ZNF512: variants seen among roughly 807,000 people sequenced by gnomAD.
ZNF512 encodes the protein zinc finger protein 512.
ZNF512 carries 25 observed loss-of-function variants against 77.5 expected under a neutral mutation model. The ratio of observed to expected loss-of-function variants is 0.32; its 90% CI spans 0.23 to 0.45. The LOEUF (loss-of-function observed/expected upper bound fraction) is 0.45, where lower values mean the gene tolerates loss of function less well. Among genes scored for constraint, ZNF512 ranks in the 20% least tolerant of loss-of-function variants. The probability of loss-of-function intolerance (pLI) is 1.00; values close to 1 mark genes in which losing one functional copy is unlikely to be tolerated. For synonymous variants in ZNF512, 246 were observed against 239.9 expected (o/e 1.03, Z -0.24); for missense variants, 483 against 692.6 (o/e 0.70, Z 3.40).
At position 27,601,336 on chromosome 2, in the gene ZNF512, A is replaced by G; in HGVS notation, c.583-20A>G. On this transcript the variant is annotated intron_variant, in intron 6 of 13. Coordinates refer to ENST00000355467, the MANE Select transcript of ZNF512 (RefSeq NM_032434.4). ...TTCTCTGTGGAACAACCTAGCACTG[A>G]GCAGTATTTTTCCTTCTAGGAAATG... The G allele has an allele frequency of 6.3e-7, 1 of 1,590,602 alleles. No individual in the cohort carries two copies.
intron 3 of ZNF512, among the ~76,000 whole-genome samples, chr2:27,598,584 G>A (rs977757264): frequency 4.0e-5 from 6 of 149,202 alleles, no homozygotes; most frequent in African/African-American, 7.5e-5. Context: ...AGCAGAGATC[G>A]CACCATTGCA....
intron 10 of ZNF512, 46 bp downstream of exon 10, chr2:27,608,085 T>C: frequency 6.7e-7 from 1 of 1,495,942 alleles, no homozygotes; most frequent in Non-Finnish European, 8.9e-7. Context: ...ATGTCTAACG[T>C]TGTGCCTACT....
intron 9 of ZNF512, among the ~76,000 whole-genome samples, chr2:27,604,477 A>C (rs1039094438): frequency 6.6e-6 from 1 of 152,132 alleles, no homozygotes; most frequent in African/African-American, 2.4e-5. Context: ...TGTAACCACT[A>C]TCACACTCAA....
intron 9 of ZNF512, among the ~76,000 whole-genome samples, chr2:27,604,011 C>T (rs986057305): frequency 6.6e-6 from 1 of 152,126 alleles, no homozygotes. Context: ...ACTGTGACCT[C>T]CGCCTCCTGG....
chr2:27,617,650 G>A (rs1208099111), intron 13 of ZNF512, 79 bp downstream of exon 13: 1 of 724,784 alleles, frequency 1.4e-6, no homozygotes, highest in Non-Finnish European at 2.6e-6. Context: ...TATGGACTAA[G>A]GCTGTCAAGG....
chr2:27,615,751 A>G (rs939768745), intron 11 of ZNF512, among the ~76,000 whole-genome samples: 4 of 152,252 alleles, frequency 2.6e-5, no homozygotes, highest in African/African-American at 9.6e-5. Flanking sequence ...CCAGATTCAC[A>G]GGAAGGGTAA....
chr2:27,595,210 T>G (rs1423293785), intron 2 of ZNF512, among the ~76,000 whole-genome samples: 1 of 152,148 alleles, frequency 6.6e-6, no homozygotes, highest in Non-Finnish European at 1.5e-5. Flanking sequence ...ACAACTACAC[T>G]TAAGTTAAAA....
chr2:27,595,546 C>T (rs928892518), intron 2 of ZNF512, among the ~76,000 whole-genome samples: 3 of 152,068 alleles, frequency 2.0e-5, no homozygotes, highest in Admixed American at 6.6e-5. Context: ...AGGCTGGTCT[C>T]GAACTCCTGA....
chr2:27,592,517 A>G (rs1398346802), intron 2 of ZNF512, among the ~76,000 whole-genome samples: 6 of 145,164 alleles, frequency 4.1e-5, no homozygotes, highest in Non-Finnish European at 9.1e-5. Flanking sequence ...GTTTCACAAT[A>G]TTGGCCAGGC....
intron 9 of ZNF512, among the ~76,000 whole-genome samples, chr2:27,606,182 TA>T (rs1672348473): frequency 6.6e-6 from 1 of 152,066 alleles, no homozygotes; most frequent in African/African-American, 2.4e-5. Flanking sequence ...GTTGTCTTAT[TA>T]AGTTTGGGAT....
intron 11 of ZNF512, 33 bp downstream of exon 11, chr2:27,615,302 GTTTATC>G: frequency 1.4e-6 from 2 of 1,407,244 alleles, no homozygotes; most frequent in Non-Finnish European, 2.0e-6. Context: ...TTCAGTAAAT[GTTTATC>G]AAGCATCTGC....
chr2:27,615,366 G>A (rs1672842980), intron 11 of ZNF512, 97 bp downstream of exon 11: 4 of 732,078 alleles, frequency 5.5e-6, no homozygotes, highest in Admixed American at 2.9e-5. Flanking sequence ...CTGAACCTCA[G>A]TGGCTTAAAA....
chr2:27,596,966 A>G (rs1671898334), intron 2 of ZNF512, among the ~76,000 whole-genome samples: 1 of 152,220 alleles, frequency 6.6e-6, no homozygotes, highest in Admixed American at 6.5e-5. Flanking sequence ...AGCTTGCTGA[A>G]CTGACATTGT....
Position 27,621,238 on chromosome 2 carries a change from G to A in ZNF512, c.1481G>A (p.Arg494Gln), listed in dbSNP as rs191688605. 5.6e-6 allele frequency: 9 copies of A among 1,614,216 alleles called. No individual in the cohort carries two copies. The African/African-American group carries it at 1.1e-4, about 19-fold the overall frequency. The change falls in exon 14 of 14, where the codon CGG becomes CAG. Residue 494 changes from arginine (R) to glutamine (Q), a missense_variant. Arg to Gln is a conservative substitution (Grantham distance 43). Around this residue, in one of 2 missense-constraint regions of ZNF512, gnomAD observed 324 missense variants for 525.0 expected, o/e 0.62. Coordinates refer to ENST00000355467, the MANE Select transcript of ZNF512 (RefSeq NM_032434.4). ...CAGCGGCAGCAAGAAGAAGAAAAGCGGAGGCAGCAGCACAGGAGCAGAAGG... is the reference window on the plus strand; with the variant it reads ...CAGCGGCAGCAAGAAGAAGAAAAGCAGAGGCAGCAGCACAGGAGCAGAAGG... ...IKQRQQEEEK[R>Q]RQQHRSRRSL... is the part of the protein sequence containing the mutation.
Position 27,601,385 on chromosome 2 carries a change from A to G in ZNF512, c.612A>G (p.Lys204=), listed in dbSNP as rs1260988692. 3.1e-6 allele frequency: 5 copies of G among 1,614,126 alleles called. No individual in the cohort carries two copies. Among genetic ancestry groups the G allele is most frequent in the Non-Finnish European group, 3.4e-6 (4 of 1,180,008 alleles). ...TGTTTACTTGTCATCATTGTGGGAA[A>G]CAACTTCGTTCACTGGCAGGGATGA... ...QEMFTCHHCG[K]QLRSLAGMKY... is the part of the protein sequence containing the mutation. The change falls in exon 7 of 14, where the codon AAA becomes AAG. Residue 204 remains lysine (K), a synonymous_variant. Coordinates refer to ENST00000355467, the MANE Select transcript of ZNF512 (RefSeq NM_032434.4).
chr2:27,588,224 A>C (rs1671425449), intron 2 of ZNF512, among the ~76,000 whole-genome samples: 1 of 151,790 alleles, frequency 6.6e-6, no homozygotes, highest in African/African-American at 2.4e-5. Flanking sequence ...TCATGCTTTT[A>C]TGTATCCTAT....
chr2:27,595,053 C>T (rs1003625024), intron 2 of ZNF512, among the ~76,000 whole-genome samples: 5 of 151,990 alleles, frequency 3.3e-5, no homozygotes, highest in African/African-American at 9.7e-5. Flanking sequence ...CAGGGGAGCC[C>T]GAGGTAGGGA....
chr2:27,620,200 A>G (rs1485989253), intron 13 of ZNF512, among the ~76,000 whole-genome samples: 1 of 152,202 alleles, frequency 6.6e-6, no homozygotes, highest in African/African-American at 2.4e-5. Flanking sequence ...AATTATTGAG[A>G]TATTTTACAT....
intron 2 of ZNF512, among the ~76,000 whole-genome samples, chr2:27,594,226 C>T (rs533608138): frequency 1.5e-4 from 22 of 142,294 alleles, no homozygotes; most frequent in South Asian, 1.1e-3. Context: ...ACAGGGCGGC[C>T]GGGCAGAGGC....
Sources: gnomAD v4.1 joint callset for allele counts (sites outside exome capture counted in the v4.1 genomes callset) on GRCh38, gnomAD v4.1.1 for gene constraint, gnomAD v4.1.1 regional missense constraint, MANE v1.5 for transcripts, NCBI Gene and HGNC (gene_info 2026-07-23, HGNC 2026-07-21) for gene names.